The following TUSC3 variants were observed in gnomAD, a reference collection of about 807,000 sequenced individuals.
TUSC3 encodes the protein dolichyl-diphosphooligosaccharide--protein glycosyltransferase subunit TUSC3.
TUSC3 carries 45 observed loss-of-function variants against 44.8 expected under a neutral mutation model. The ratio of observed to expected loss-of-function variants is 1.00; its 90% CI spans 0.79 to 1.29. The LOEUF (loss-of-function observed/expected upper bound fraction) is 1.29. Ranked by LOEUF, TUSC3 falls within the 50% of genes most tolerant of loss-of-function variation. The pLI is 0.00. For synonymous variants in TUSC3, 212 were observed against 152.9 expected, an observed-to-expected ratio of 1.39 and a Z score of -2.85; for missense variants, 519 against 437.9, an observed-to-expected ratio of 1.19 and a Z score of -1.65.
intron 6 of TUSC3, among the ~76,000 whole-genome samples, chr8:15,698,259 C>T (rs1809252359): frequency 6.6e-6 from 1 of 152,040 alleles, no homozygotes; most frequent in Non-Finnish European, 1.5e-5. Flanking sequence ...CTGTGAAAAT[C>T]AACATTTTAT....
the TUSC3 span, among the ~76,000 whole-genome samples, chr8:15,778,871 CAA>C: frequency 6.6e-6 from 1 of 152,128 alleles, no homozygotes; most frequent in African/African-American, 2.4e-5. Flanking sequence ...AGATACAGAA[CAA>C]TGACTACAGA....
intron 1 of TUSC3, among the ~76,000 whole-genome samples, chr8:15,606,888 C>G (rs80343502): frequency 1.3e-5 from 2 of 151,728 alleles, no homozygotes; most frequent in African/African-American, 4.8e-5. Flanking sequence ...TTTTAACTTA[C>G]GTTTTCCAGT....
At chr8:15,780,505 C>G in the TUSC3 span, among the ~76,000 whole-genome samples, 1 of 152,192 alleles carries the variant, frequency 6.6e-6, no homozygotes, top group South Asian at 2.1e-4. Context: ...GGCTTCATTC[C>G]TGGGAATAGG....
At chr8:15,741,917 CCTA>C (rs1313307143) in intron 7 of TUSC3, among the ~76,000 whole-genome samples, 2 of 152,068 alleles carry the variant, frequency 1.3e-5, no homozygotes, top group Non-Finnish European at 2.9e-5. Context: ...GTAGAAATCT[CCTA>C]CATATGAACA....
the TUSC3 span, among the ~76,000 whole-genome samples, chr8:15,778,119 C>A: frequency 6.1e-5 from 9 of 146,756 alleles, no homozygotes; most frequent in Admixed American, 3.4e-4. Flanking sequence ...AAACAAAAAA[C>A]CAAAAAACAA....
intron 5 of TUSC3, among the ~76,000 whole-genome samples, chr8:15,667,500 A>G (rs529655583): frequency 6.6e-6 from 1 of 151,822 alleles, no homozygotes; most frequent in East Asian, 1.9e-4. Context: ...ATTACTTATA[A>G]CTTGAAAACA....
chr8:15,684,140 G>T (rs1053679134), intron 6 of TUSC3, among the ~76,000 whole-genome samples: 2 of 151,924 alleles, frequency 1.3e-5, no homozygotes, highest in African/African-American at 4.8e-5. Context: ...TGCCTCTCTG[G>T]TTTCTGAGAT....
chr8:15,798,679 A>C, the TUSC3 span, among the ~76,000 whole-genome samples: 5 of 152,016 alleles, frequency 3.3e-5, no homozygotes, highest in African/African-American at 1.2e-4. Flanking sequence ...ACACCATAAG[A>C]ACCCTATAAC....
At chr8:15,489,251 A>C (rs1585063433) in intron 2 of TUSC3, among the ~76,000 whole-genome samples, 1 of 152,316 alleles carries the variant, frequency 6.6e-6, no homozygotes, top group South Asian at 2.1e-4. Context: ...TCATATGCAA[A>C]TTCAAAGATT....
At chr8:15,815,159 C>T in the TUSC3 span, among the ~76,000 whole-genome samples, 1 of 152,002 alleles carries the variant, frequency 6.6e-6, no homozygotes, top group East Asian at 1.9e-4. Flanking sequence ...AATACTTGTA[C>T]ATAAAAATGT....
At chr8:15,840,161 G>C in the TUSC3 span, among the ~76,000 whole-genome samples, 3 of 152,176 alleles carry the variant, frequency 2.0e-5, no homozygotes, top group East Asian at 5.8e-4. Context: ...CTCACTCATA[G>C]GTGGGAACTG....
intron 6 of TUSC3, among the ~76,000 whole-genome samples, chr8:15,687,798 A>G (rs1320205980): frequency 6.6e-6 from 1 of 152,212 alleles, no homozygotes; most frequent in Non-Finnish European, 1.5e-5. Flanking sequence ...TTTCTTTGCA[A>G]ATAGGAACTC....
chr8:15,618,447 A>G (rs1805093271), intron 1 of TUSC3, among the ~76,000 whole-genome samples: 1 of 152,286 alleles, frequency 6.6e-6, no homozygotes, highest in African/African-American at 2.4e-5. Context: ...ATTGTTGAAA[A>G]CTAAGACACA....
chr8:15,848,647 C>T, the TUSC3 span, among the ~76,000 whole-genome samples: 1 of 152,184 alleles, frequency 6.6e-6, no homozygotes, highest in Non-Finnish European at 1.5e-5. Flanking sequence ...TGGACTCAGA[C>T]AAAGTGGTAA....
At chr8:15,681,871 G>A (rs967426253) in intron 6 of TUSC3, among the ~76,000 whole-genome samples, 1 of 151,940 alleles carries the variant, frequency 6.6e-6, no homozygotes, top group Admixed American at 6.6e-5. Context: ...TATCTTTGCT[G>A]TCATTTGATT....
intron 7 of TUSC3, among the ~76,000 whole-genome samples, chr8:15,735,607 A>G (rs989583777): frequency 2.0e-5 from 3 of 152,242 alleles, no homozygotes; most frequent in Non-Finnish European, 4.4e-5. Context: ...TAGGCCAGTA[A>G]TGTTCTCACC....
chr8:15,655,501 AG>A (rs925579075), intron 3 of TUSC3, among the ~76,000 whole-genome samples: 3 of 152,252 alleles, frequency 2.0e-5, no homozygotes, highest in Non-Finnish European at 4.4e-5. Context: ...GGGTCATGCC[AG>A]TGTATGAAAC....
At chr8:15,438,483 T>G (rs79220628) in intron 1 of TUSC3, among the ~76,000 whole-genome samples, 1,755 of 152,298 alleles carry the variant, frequency 0.012, 36 homozygotes, top group African/African-American at 0.041. Context: ...TTGGAGGTGT[T>G]ATTGTTTCTG....
Position 15,633,347 on chromosome 8 carries a change from C to G in TUSC3, c.308+10098C>G, listed in dbSNP as rs549128570. 1.2e-4 allele frequency among the ~76,000 whole-genome samples: 18 copies of G among 152,266 alleles called. 1 individual carries two copies. The highest frequency in any genetic ancestry group is 4.3e-4 in the African/African-American group (18 of 41,552). ...ATGTGAATGCCTCAGTGAGTTGAGG[C>G]TGAAGTGGTATTATTGATCACTTCG... On this transcript the variant is annotated intron_variant, in intron 2 of 10. Coordinates refer to ENST00000503731, the MANE Select transcript of TUSC3 (RefSeq NM_006765.4).
Sources: gnomAD v4.1 joint callset for allele counts (sites outside exome capture counted in the v4.1 genomes callset) on GRCh38, gnomAD v4.1.1 for gene constraint, MANE v1.5 for transcripts, NCBI Gene and HGNC (gene_info 2026-07-23, HGNC 2026-07-21) for gene names.